Variants in SLC27A4 observed in about 807,000 individuals in gnomAD.
SLC27A4 encodes solute carrier family 27 member 4.
Under a neutral mutation model 64.4 loss-of-function variants are expected in SLC27A4, and 33 were observed. That is an observed-to-expected ratio of 0.51 (90% CI 0.39 to 0.68). The LOEUF is 0.68. SLC27A4 is among the 30% of genes least tolerant of loss of function. The pLI is 0.00. For missense variants in SLC27A4, 824 were observed against 883.5 expected (o/e 0.93, Z 0.85); for synonymous variants, 377 against 370.0 (o/e 1.02, Z -0.22).
chr9:128,354,347 A>G (rs1180586834), intron 9 of SLC27A4, among the ~76,000 whole-genome samples: 1 of 152,262 alleles, frequency 6.6e-6, no homozygotes, highest in East Asian at 1.9e-4. Flanking sequence ...GCGAGTATTC[A>G]GCCTCACTGT....
chr9:128,340,833 C>A lies in SLC27A4; in HGVS notation c.-12C>A. 1 of 684,378 alleles carries A rather than the reference C, an allele frequency of 1.5e-6. No homozygotes were observed. Among genetic ancestry groups the A allele is most frequent in the Non-Finnish European group, 2.7e-6 (1 of 370,852 alleles). The allele number at this position is 684,378 out of a possible 1,614,324, so 42.4% of individuals were successfully genotyped here. A position where few individuals can be genotyped will look rare whatever the true frequency, so the allele number is the denominator to read the frequency against. ...ACGGGGCGCCGCGCGGCGGAGCCGACGCCGGGTGAGCATAGACCGGGCTGG... is the reference window on the plus strand; with the variant it reads ...ACGGGGCGCCGCGCGGCGGAGCCGAAGCCGGGTGAGCATAGACCGGGCTGG... On this transcript the variant is annotated 5_prime_UTR_variant, in exon 1 of 13. Transcript: ENST00000300456.
chr9:128,341,131 C>G (rs994808221), intron 1 of SLC27A4, among the ~76,000 whole-genome samples: 5 of 152,160 alleles, frequency 3.3e-5, no homozygotes, highest in Non-Finnish European at 7.4e-5. Flanking sequence ...GACCCTGGAC[C>G]CTGGCGTTGG....
At position 128,340,635 on chromosome 9, in the gene SLC27A4, C is replaced by A; in HGVS notation, c.-210C>A. ...CACAGCAGGTTTGGGGTGCGGGAGG[C>A]GGGCGGGGTAGGAGCGCGGCGGGCG... On this transcript the variant is annotated 5_prime_UTR_variant, in exon 1 of 13. Coordinates refer to ENST00000300456, the MANE Select transcript of SLC27A4 (RefSeq NM_005094.4). 5.4e-6 allele frequency: 1 copy of A among 183,834 alleles called. No homozygotes were observed. The highest frequency in any genetic ancestry group is 8.7e-6 in the Non-Finnish European group (1 of 114,612). The allele number at this position is 183,834 out of a possible 1,614,324, so 11.4% of individuals were successfully genotyped here.
rs758222506 is a variant in SLC27A4, at chr9:128,345,480, G to A, written c.487G>A (p.Asp163Asn). The stretch of plus-strand genomic sequence containing the variant: ...CCTCATCAACACCAACCTGCGGCGG[G>A]ATGCTCTGCTCCACTGCCTCACCAC... ...AALINTNLRR[D>N]ALLHCLTTSR... Residue 163 changes from aspartate (D) to asparagine (N), a missense_variant, in exon 3 of 13, where the codon GAT becomes AAT. Transcript: ENST00000300456. This position sits in a 1 kb window ranked among gnomAD's most constrained non-coding sequence, Gnocchi z 4.1. 6.2e-7 allele frequency: 1 copy of A among 1,612,882 alleles called. No homozygotes were observed. The highest frequency in any genetic ancestry group is 8.5e-7 in the Non-Finnish European group (1 of 1,179,878).
chr9:128,350,367 C>T lies in SLC27A4; in HGVS notation c.771C>T (p.Ile257=), dbSNP rs759464276. ...CCACAGGGCTGCCCAAGGCCGCCAT[C>T]GTGGTGCACAGCAGGTAAGGGGCAG... ...SGTTGLPKAA[I]VVHSRYYRMA... Residue 257 remains isoleucine, a synonymous_variant, in exon 5 of 13, where the codon ATC becomes ATT. Coordinates refer to ENST00000300456, the MANE Select transcript of SLC27A4 (RefSeq NM_005094.4). The T allele has an allele frequency of 1.4e-5, 22 of 1,613,314 alleles. No homozygotes were observed. Among genetic ancestry groups the T allele is most frequent in the African/African-American group, 2.7e-5 (2 of 74,936 alleles).
chr9:128,355,395 T>C lies in SLC27A4; in HGVS notation c.1463-3T>C. 1 of 1,613,544 alleles carries C rather than the reference T, an allele frequency of 6.2e-7. No homozygotes were observed. Among genetic ancestry groups the C allele is most frequent in the Non-Finnish European group, 8.5e-7 (1 of 1,179,966 alleles). On this transcript the variant is annotated splice_region_variant and splice_polypyrimidine_tract_variant and intron_variant, in intron 10 of 12. Transcript: ENST00000300456. ...AGCCCTGCCTCATCCGGCCCCTCCCTAGGTGATGTGCTGGTGATGGACGAG... is the reference window on the plus strand; with the variant it reads ...AGCCCTGCCTCATCCGGCCCCTCCCCAGGTGATGTGCTGGTGATGGACGAG...
rs916461343 is a variant in SLC27A4 at position 128,343,231 on chromosome 9, C to T, written c.99C>T (p.Tyr33=). 26 of 1,614,060 alleles carry T rather than the reference C, an allele frequency of 1.6e-5. No homozygotes were observed. The highest frequency in any genetic ancestry group is 1.0e-4 in the Admixed American group (6 of 60,002). ...TGGGATTCTCCCTGTTGTTCCTCTA[C>T]TTGGGATCTGGCGGCTGGCGCTTCA... ...TQVGFSLLFL[Y]LGSGGWRFIR... is the part of the protein sequence containing the mutation. Residue 33 remains tyrosine (Y), a synonymous_variant, in exon 2 of 13, where the codon TAC becomes TAT. Transcript: ENST00000300456.
chr9:128,341,427 G>A (rs71497690), intron 1 of SLC27A4, among the ~76,000 whole-genome samples: 10 of 152,180 alleles, frequency 6.6e-5, no homozygotes, highest in South Asian at 2.1e-4. Flanking sequence ...CAAGTCATTC[G>A]CCTTCCCCTA....
At chr9:128,351,168 G>T (rs187436367) in intron 6 of SLC27A4, among the ~76,000 whole-genome samples, 282 of 152,298 alleles carry the variant, frequency 1.9e-3, no homozygotes, top group African/African-American at 6.5e-3. Context: ...TGAGGCTGAG[G>T]CACGAGAATT....
chr9:128,354,951 C>T, intron 9 of SLC27A4, 102 bp from the exon 10 acceptor site: 1 of 1,076,640 alleles, frequency 9.3e-7, no homozygotes, highest in East Asian at 2.7e-5. Context: ...AAAACTCCGT[C>T]TCAAAAAAAA....
chr9:128,355,175 C>A lies in SLC27A4; in HGVS notation c.1447C>A (p.Gln483Lys). ...IAKDVFKKGD[Q>K]AYLTGDVLVM... ...CAAGGATGTCTTCAAGAAGGGGGAC[C>A]AGGCCTACCTTACTGGTGGGTCCCC... Residue 483 changes from glutamine (Q) to lysine (K), a missense_variant, in exon 10 of 13, where the codon CAG (glutamine) becomes AAG (lysine). Physicochemically the swap from Gln to Lys is moderately conservative, Grantham distance 53. Coordinates refer to ENST00000300456, the MANE Select transcript of SLC27A4 (RefSeq NM_005094.4). 3.7e-6 allele frequency: 6 copies of A among 1,613,648 alleles called. No homozygotes were observed. Among genetic ancestry groups the A allele is most frequent in the Middle Eastern group, 1.7e-4 (1 of 6,054 alleles).
intron 2 of SLC27A4, among the ~76,000 whole-genome samples, chr9:128,344,776 C>G (rs1378360201): frequency 6.6e-6 from 1 of 152,118 alleles, no homozygotes; most frequent in Non-Finnish European, 1.5e-5. Flanking sequence ...TGGACTTTTA[C>G]AGGAAGCTCT....
intron 4 of SLC27A4, among the ~76,000 whole-genome samples, chr9:128,349,847 C>CA (rs1196344256): frequency 2.6e-5 from 4 of 152,210 alleles, no homozygotes; most frequent in Non-Finnish European, 5.9e-5. Context: ...CTTCCTGCAG[C>CA]TAATGCCTCC....
chr9:128,355,250 C>A (rs905502087), intron 10 of SLC27A4, 60 bp downstream of exon 10: 1 of 1,605,042 alleles, frequency 6.2e-7, no homozygotes, highest in Non-Finnish European at 8.5e-7. Context: ...GGACCTTCTC[C>A]CACCTCCAGA....
rs190323278 is a variant in SLC27A4 at position 128,344,529 on chromosome 9, A to C, written c.162-626A>C. 9.1e-4 allele frequency among the ~76,000 whole-genome samples: 139 copies of C among 152,138 alleles called. 4 individuals are homozygous for C. The East Asian group carries it at 0.021, about 23-fold the overall frequency. On this transcript the variant is annotated intron_variant, in intron 2 of 12. Transcript: ENST00000300456. ...GTGTGACGCCATCTCAAAAAAAAAA[A>C]CAAAAAAACAAAGGTGGCAGGAATG...
At chr9:128,348,804 G>T in intron 4 of SLC27A4, 101 bp downstream of exon 4, 4 of 1,224,560 alleles carry the variant, frequency 3.3e-6, no homozygotes, top group Non-Finnish European at 4.7e-6. Flanking sequence ...CTTGCCATGT[G>T]CCTGGAACAT....
At position 128,345,747 on chromosome 9, in the gene SLC27A4, G is replaced by A. The variant is rs760407326; in HGVS notation, c.556+198G>A. Among the ~76,000 whole-genome samples, 3 of 152,168 alleles carry A rather than the reference G, an allele frequency of 2.0e-5. No homozygotes were observed. The highest frequency in any genetic ancestry group is 7.2e-5 in the African/African-American group (3 of 41,430). ...TCTCTGAGCCTCAGTTTCCTCATCC[G>A]TCGTTCCTACCTCATACTGTTTTCA... On this transcript the variant is annotated intron_variant, in intron 3 of 12. Transcript: ENST00000300456. The surrounding 1 kb of genome is among the most constrained non-coding windows in gnomAD (Gnocchi z 4.1).
At chr9:128,350,632 C>A in intron 6 of SLC27A4, 57 bp downstream of exon 6, 1 of 1,306,586 alleles carries the variant, frequency 7.7e-7, no homozygotes, top group South Asian at 1.2e-5. Context: ...AGGAACCCCA[C>A]CCCCATCAGG....
intron 3 of SLC27A4, among the ~76,000 whole-genome samples, chr9:128,347,710 TAA>T (rs548281175): frequency 1.8e-4 from 19 of 103,230 alleles, no homozygotes; most frequent in Admixed American, 3.2e-4. Context: ...AACTCTGTCT[TAA>T]AAAAAAAAAA....
Sources: allele counts gnomAD v4.1 joint callset (sites outside exome capture counted in the v4.1 genomes callset), GRCh38; gene constraint gnomAD v4.1.1; non-coding constraint Gnocchi (gnomAD v3.1); transcripts MANE v1.5; gene names NCBI Gene and HGNC (gene_info 2026-07-23, HGNC 2026-07-21).